PCDH7: variants seen among roughly 807,000 people sequenced by gnomAD.
PCDH7 encodes protocadherin-7.
In PCDH7, 17 loss-of-function variants were observed where a neutral mutation model predicts 58.9. That is an observed-to-expected ratio of 0.29 (90% CI 0.20 to 0.43). PCDH7 has a LOEUF of 0.43. PCDH7 is among the 20% of genes least tolerant of loss of function. The pLI is 1.00. For synonymous variants in PCDH7, 664 were observed against 616.4 expected (o/e 1.08, Z -1.14); for missense variants, 1,274 against 1,441.0 (o/e 0.88, Z 1.88).
chr4:30,904,181 G>C (rs571675227), intron 1 of PCDH7, among the ~76,000 whole-genome samples: 18 of 152,218 alleles, frequency 1.2e-4, no homozygotes, highest in Middle Eastern at 3.4e-3. Flanking sequence ...TGCTTTGTAA[G>C]AAACTACCAG....
chr4:31,000,107 A>G (rs927934230), intron 3 of PCDH7, among the ~76,000 whole-genome samples: 1 of 152,128 alleles, frequency 6.6e-6, no homozygotes, highest in African/African-American at 2.4e-5. Context: ...TATATTGAAC[A>G]AAATTATGTG....
At chr4:30,856,340 G>A (rs1378299131) in intron 1 of PCDH7, among the ~76,000 whole-genome samples, 5 of 151,996 alleles carry the variant, frequency 3.3e-5, no homozygotes, top group Non-Finnish European at 5.9e-5. Context: ...TACTGGAGTC[G>A]TATTAATCCT....
intron 3 of PCDH7, among the ~76,000 whole-genome samples, chr4:31,124,443 T>C (rs530108040): frequency 6.6e-6 from 1 of 152,296 alleles, no homozygotes; most frequent in South Asian, 2.1e-4. Flanking sequence ...TTCATTGATT[T>C]CTCTAAATCA....
At chr4:30,959,947 G>T (rs1027383769) in intron 3 of PCDH7, among the ~76,000 whole-genome samples, 1 of 152,066 alleles carries the variant, frequency 6.6e-6, no homozygotes, top group South Asian at 2.1e-4. Context: ...ACACTGGATT[G>T]CCATTTGTTA....
intron 3 of PCDH7, among the ~76,000 whole-genome samples, chr4:31,022,413 A>G (rs1178499902): frequency 4.6e-5 from 7 of 152,216 alleles, no homozygotes; most frequent in East Asian, 3.8e-4. Flanking sequence ...AATTTTGCTT[A>G]CTGTATCATT....
chr4:30,840,125 T>G (rs1731020246), intron 1 of PCDH7, among the ~76,000 whole-genome samples: 1 of 151,570 alleles, frequency 6.6e-6, no homozygotes, highest in Admixed American at 6.6e-5. Context: ...ATAATAAATA[T>G]TGGTATGCAT....
intron 1 of PCDH7, among the ~76,000 whole-genome samples, chr4:30,917,875 A>G (rs1742682074): frequency 6.6e-6 from 1 of 152,144 alleles, no homozygotes; most frequent in Admixed American, 6.6e-5. Flanking sequence ...AATTTTTCCA[A>G]AATTATTCCA....
chr4:30,777,039 A>G (rs1722158435), intron 1 of PCDH7, among the ~76,000 whole-genome samples: 1 of 152,190 alleles, frequency 6.6e-6, no homozygotes, highest in African/African-American at 2.4e-5. Flanking sequence ...CTTGCTTTTA[A>G]GAACAATGTA....
At chr4:31,016,327 T>C (rs80201042) in intron 3 of PCDH7, among the ~76,000 whole-genome samples, 2,549 of 152,200 alleles carry the variant, frequency 0.017, 26 homozygotes, top group Non-Finnish European at 0.023. Context: ...AAAATTTGGC[T>C]CCTGTTAATT....
chr4:30,781,605 T>C (rs1223238792), intron 1 of PCDH7, among the ~76,000 whole-genome samples: 8 of 151,600 alleles, frequency 5.3e-5, no homozygotes, highest in Admixed American at 4.6e-4. Context: ...GGTGTGATCT[T>C]GGCTGATTGC....
chr4:30,753,296 T>C (rs1336633859), intron 1 of PCDH7, among the ~76,000 whole-genome samples: 1 of 152,232 alleles, frequency 6.6e-6, no homozygotes, highest in East Asian at 1.9e-4. Flanking sequence ...CTTTACTACT[T>C]TCTCTGTTCT....
intron 1 of PCDH7, among the ~76,000 whole-genome samples, chr4:30,912,059 GC>G (rs1741846749): frequency 6.6e-6 from 1 of 152,088 alleles, no homozygotes; most frequent in African/African-American, 2.4e-5. Context: ...TTTAACTTCT[GC>G]CCCAAATGAG....
Position 30,722,081 on chromosome 4 carries a change from G to T in PCDH7, c.659G>T (p.Gly220Val). The T allele has an allele frequency of 7.7e-7, 1 of 1,298,602 alleles. No homozygotes were observed. The highest frequency in any genetic ancestry group is 9.7e-7 in the Non-Finnish European group (1 of 1,027,510). 80.4% of individuals were successfully genotyped at this position (1,298,602 alleles called of 1,614,324 possible). A position where few individuals can be genotyped will look rare whatever the true frequency, so the allele number is the denominator to read the frequency against. Residue 220 changes from glycine to valine, a missense_variant, in exon 1 of 2, where the codon GGA becomes GTA. This residue lies in a region of PCDH7 where 331 missense variants were observed against 303.2 expected (regional missense o/e 1.09). Transcript: ENST00000361762. The surrounding 1 kb of genome is among the most constrained non-coding windows in gnomAD (Gnocchi z 7.6). ...AACGGCGCGAGCGGCGGCGGCTCGGGAGGCTCCAAGCGGCGGCTGGACGCA... is the reference window on the plus strand; with the variant it reads ...AACGGCGCGAGCGGCGGCGGCTCGGTAGGCTCCAAGCGGCGGCTGGACGCA...
intron 1 of PCDH7, among the ~76,000 whole-genome samples, chr4:30,783,770 G>A (rs1723077378): frequency 6.6e-6 from 1 of 152,168 alleles, no homozygotes; most frequent in South Asian, 2.1e-4. Context: ...AAGGTCTAGA[G>A]AAGGTAAACA....
At chr4:31,077,424 A>G (rs1007363214) in intron 3 of PCDH7, among the ~76,000 whole-genome samples, 1 of 151,092 alleles carries the variant, frequency 6.6e-6, no homozygotes, top group Admixed American at 6.6e-5. Context: ...AAAAAAAAAA[A>G]GAAAAAGAAA....
chr4:30,943,819 A>G (rs1746349961), intron 2 of PCDH7, among the ~76,000 whole-genome samples: 1 of 151,742 alleles, frequency 6.6e-6, no homozygotes, highest in Non-Finnish European at 1.5e-5. Context: ...CAGGGAAGCC[A>G]AAAGATTGGA....
chr4:31,050,310 C>T (rs185190829), intron 3 of PCDH7, among the ~76,000 whole-genome samples: 3 of 152,090 alleles, frequency 2.0e-5, no homozygotes, highest in Non-Finnish European at 4.4e-5. Context: ...CCATTGTACT[C>T]TGCTATGTAG....
intron 3 of PCDH7, among the ~76,000 whole-genome samples, chr4:30,981,721 C>A (rs1750587744): frequency 6.6e-6 from 1 of 152,184 alleles, no homozygotes; most frequent in Admixed American, 6.5e-5. Context: ...CCTTAACCTT[C>A]CTCCTTAATG....
intron 3 of PCDH7, among the ~76,000 whole-genome samples, chr4:31,031,970 G>A (rs1455117191): frequency 2.6e-5 from 4 of 151,980 alleles, no homozygotes; most frequent in Non-Finnish European, 5.9e-5. Flanking sequence ...ATCTATATGG[G>A]GCTAACTCAT....
Sources: gnomAD v4.1 joint callset for allele counts (sites outside exome capture counted in the v4.1 genomes callset) on GRCh38, gnomAD v4.1.1 for gene constraint, gnomAD v4.1.1 regional missense constraint, Gnocchi (gnomAD v3.1) non-coding constraint, MANE v1.5 for transcripts, NCBI Gene and HGNC (gene_info 2026-07-23, HGNC 2026-07-21) for gene names.